CDKL5: variants seen among roughly 807,000 people sequenced by gnomAD.
The protein encoded by CDKL5 is cyclin-dependent kinase-like 5.
CDKL5 carries 8 observed loss-of-function variants against 61.7 expected under a neutral mutation model. That is an observed-to-expected ratio of 0.13 (90% confidence interval 0.08 to 0.23). CDKL5 has a LOEUF of 0.23. Among genes scored for constraint, CDKL5 ranks in the 10% least tolerant of loss-of-function variants. The pLI, the probability that CDKL5 is intolerant of heterozygous loss-of-function variation, is 1.00. For synonymous variants in CDKL5, 275 were observed against 272.3 expected, an observed-to-expected ratio of 1.01 and a Z score of -0.10; for missense variants, 440 against 734.5, an observed-to-expected ratio of 0.60 and a Z score of 4.63.
intron 1 of CDKL5, among the ~76,000 whole-genome samples, chrX:18,481,527 A>AT (rs764120656): frequency 0.022 from 1,805 of 81,462 alleles, 52 homozygotes; most frequent in East Asian, 0.15. Flanking sequence ...TAATTTTTGT[A>AT]TTTTTTTTTT....
intron 1 of CDKL5, among the ~76,000 whole-genome samples, chrX:18,431,546 G>C (rs1408611235): frequency 9.5e-6 from 1 of 104,971 alleles, no homozygotes; most frequent in Non-Finnish European, 2.0e-5. Context: ...CTCAGCCTCT[G>C]GAGTAGCTGG....
At position 18,588,125 on chromosome X, in the gene CDKL5, T is replaced by A; in HGVS notation, c.726T>A (p.Pro242=). The A allele has an allele frequency of 8.3e-7, 1 of 1,209,854 alleles. No homozygotes were observed. The highest frequency in any genetic ancestry group is 1.1e-6 in the Non-Finnish European group (1 of 894,055). Residue 242 remains proline, a synonymous_variant, in exon 9 of 18, where the codon CCT becomes CCA. Coordinates refer to ENST00000623535, the MANE Select transcript of CDKL5 (RefSeq NM_001323289.2). ...AGATGAAGCTTTTCTACAGTAATCCTCGCTTCCATGGGCTCCGGGTAAGAG... is the reference window on the plus strand; with the variant it reads ...AGATGAAGCTTTTCTACAGTAATCCACGCTTCCATGGGCTCCGGGTAAGAG... ...SEQMKLFYSN[P]RFHGLRFPAV... is the part of the protein sequence containing the mutation.
Position 18,630,010 on chromosome X carries a change from A to C in CDKL5, c.*1253A>C, listed in dbSNP as rs755080907. The C allele has an allele frequency of 3.1e-4, 236 of 752,257 alleles. No individual in the cohort carries two copies. In the African/African-American group the frequency reaches 5.2e-3, roughly 16 times the overall value. The allele number at this position is 752,257 out of a possible 1,213,427, so 62.0% of individuals were successfully genotyped here. ...CCACTGTCCCGGAGACTCTTGGCTG[A>C]TGGGGTGTGAGATATATGTGTGGCA... On this transcript the variant is annotated 3_prime_UTR_variant, in exon 18 of 18. Transcript: ENST00000623535.
At position 18,638,226 on chromosome X, in the gene CDKL5, C is replaced by T. The variant is rs1375892169; in HGVS notation, c.*9469C>T. On this transcript the variant is annotated 3_prime_UTR_variant, in exon 18 of 18. Transcript: ENST00000623535. ...CTCCTCCCACACAGAGTACCCGAAT[C>T]AGCTCAGATTTTTTTTCCTTAATAT... 1 of 111,963 alleles carries T rather than the reference C, an allele frequency of 8.9e-6. No individual in the cohort carries two copies. Among genetic ancestry groups the T allele is most frequent in the Non-Finnish European group, 1.9e-5 (1 of 53,232 alleles). The allele number at this position is 111,963 out of a possible 1,213,427, so 9.2% of individuals were successfully genotyped here.
chrX:18,586,053 G>A (rs758615215), intron 8 of CDKL5, among the ~76,000 whole-genome samples: 33 of 111,228 alleles, frequency 3.0e-4, no homozygotes, highest in Non-Finnish European at 4.9e-4. Context: ...CCTAAAGCCT[G>A]TAAGAATCAT....
At chrX:18,443,893 T>A (rs2147627380) in intron 1 of CDKL5, 1 of 112,257 alleles carries the variant, frequency 8.9e-6, no homozygotes, top group East Asian at 2.8e-4. Flanking sequence ...TGTGAACCAC[T>A]GCACCTGGCC....
intron 3 of CDKL5, among the ~76,000 whole-genome samples, chrX:18,547,342 T>A (rs1246821323): frequency 6.2e-5 from 7 of 112,356 alleles, no homozygotes. Context: ...GCCTCCAGGC[T>A]GCATGATATG....
intron 9 of CDKL5, among the ~76,000 whole-genome samples, chrX:18,591,553 T>C: frequency 9.0e-6 from 1 of 111,452 alleles, no homozygotes; most frequent in East Asian, 2.8e-4. Context: ...CACAATTCTC[T>C]TTTTTGTTTA....
At chrX:18,557,242 A>G (rs1258845905) in intron 3 of CDKL5, among the ~76,000 whole-genome samples, 3 of 112,256 alleles carry the variant, frequency 2.7e-5, no homozygotes, top group African/African-American at 9.7e-5. Context: ...AAAAACAACT[A>G]AAAATACAAC....
intron 14 of CDKL5, among the ~76,000 whole-genome samples, chrX:18,610,926 G>A (rs1349742762): frequency 8.9e-6 from 1 of 111,817 alleles, no homozygotes; most frequent in African/African-American, 3.3e-5. Flanking sequence ...AGTTGGAAAG[G>A]GGCAGGATTT....
At chrX:18,559,956 C>T (rs1300762684) in intron 3 of CDKL5, among the ~76,000 whole-genome samples, 1 of 109,623 alleles carries the variant, frequency 9.1e-6, no homozygotes, top group Non-Finnish European at 1.9e-5. Flanking sequence ...CTACAAAGGA[C>T]ATGAACTCAT....
rs1490390444 is a variant in CDKL5, at chrX:18,635,239, AT to A, written c.*6483del. On this transcript the variant is annotated 3_prime_UTR_variant, in exon 18 of 18. Coordinates refer to ENST00000623535, the MANE Select transcript of CDKL5 (RefSeq NM_001323289.2). ...TGGCATGTAATTCCATTCTAAACTT[AT>A]GTAAAATTTCTATTGTTGCTGTAAA... 1.3e-6 allele frequency: 1 copy of A among 747,551 alleles called. No individual in the cohort carries two copies. The highest frequency in any genetic ancestry group is 8.9e-5 in the Admixed American group (1 of 11,210). The allele number at this position is 747,551 out of a possible 1,213,427, so 61.6% of individuals were successfully genotyped here.
In CDKL5 at chrX:18,653,433, G is replaced by T. The variant is rs775556155; in HGVS notation, c.2982G>T (p.Gly994=). ...CCGCTGTCCTTCTGTGCTTTCCAGG[G>T]TTCTCTTTCTTCGTGAGACACGTTA... Residue 994 remains glycine, a splice_region_variant and synonymous_variant, in exon 22 of 22, where the codon GGG becomes GGT. Coordinates refer to the CDKL5 transcript ENST00000379989. 2 of 1,209,123 alleles carry T rather than the reference G, an allele frequency of 1.7e-6. No individual in the cohort carries two copies. The highest frequency in any genetic ancestry group is 3.0e-5 in the East Asian group (1 of 33,721).
chrX:18,646,187 T>A, intron 20 of CDKL5: 2 of 1,159,726 alleles, frequency 1.7e-6, no homozygotes, highest in Non-Finnish European at 2.3e-6. Flanking sequence ...AGTCTTGCTC[T>A]GTCGCCCAGG....
In CDKL5 at chrX:18,579,992, G is replaced by A. The variant is rs757457360; in HGVS notation, c.403+24G>A. 2.6e-6 allele frequency: 3 copies of A among 1,140,242 alleles called. No individual in the cohort carries two copies. In the South Asian group the frequency reaches 5.5e-5, roughly 21 times the overall value. 94.0% of individuals were successfully genotyped at this position (1,140,242 alleles called of 1,213,427 possible). Reference sequence around the variant, plus strand: ...AGGTGAGTATGAGATTTTTAAAATGGAAAATATTAAAACATCAAATAAAGT... The same window carrying A: ...AGGTGAGTATGAGATTTTTAAAATGAAAAATATTAAAACATCAAATAAAGT... On this transcript the variant is annotated intron_variant, in intron 6 of 17. Coordinates refer to ENST00000623535, the MANE Select transcript of CDKL5 (RefSeq NM_001323289.2).
rs1922602952 is a variant in CDKL5 at position 18,507,084 on chromosome X, G to A, written c.-13G>A. 8.6e-7 allele frequency: 1 copy of A among 1,167,669 alleles called. No homozygotes were observed. The highest frequency in any genetic ancestry group is 1.2e-6 in the Non-Finnish European group (1 of 857,150). On this transcript the variant is annotated 5_prime_UTR_variant, in exon 2 of 18. Transcript: ENST00000623535. ...ATGTTTTGTGGCTTGCATCAAAAGA[G>A]GAGTTTGTCTTCATGAAGATTCCTA...
At chrX:18,651,227 G>A in intron 21 of CDKL5, among the ~76,000 whole-genome samples, 1 of 65,972 alleles carries the variant, frequency 1.5e-5, no homozygotes, top group South Asian at 7.3e-4. Context: ...GCAAGTGTGT[G>A]TGTGTGTGTG....
At chrX:18,431,484 C>T (rs1191905807) in intron 1 of CDKL5, among the ~76,000 whole-genome samples, 6 of 102,887 alleles carry the variant, frequency 5.8e-5, no homozygotes, top group African/African-American at 2.1e-4. Context: ...TGCAGTGGCG[C>T]GGTCTCGGCT....
chrX:18,590,321 G>C (rs1260857258), intron 9 of CDKL5, among the ~76,000 whole-genome samples: 1 of 112,021 alleles, frequency 8.9e-6, no homozygotes, highest in East Asian at 2.8e-4. Flanking sequence ...GGCCAGCATG[G>C]CAATTGCTGG....
Sources: gnomAD v4.1 joint callset for allele counts (sites outside exome capture counted in the v4.1 genomes callset) on GRCh38, gnomAD v4.1.1 for gene constraint, MANE v1.5 for transcripts, NCBI Gene and HGNC (gene_info 2026-07-23, HGNC 2026-07-21) for gene names.